PLAAT1: variants seen among roughly 807,000 people sequenced by gnomAD.
PLAAT1 encodes the protein H-REV107 protein-related protein.
Under a neutral mutation model 16.4 loss-of-function variants are expected in PLAAT1, and 13 were observed. That is an observed-to-expected ratio of 0.79 (90% confidence interval 0.52 to 1.26). PLAAT1 has a LOEUF of 1.26. Among genes scored for constraint, PLAAT1 ranks in the 50% most tolerant of loss-of-function variants. PLAAT1 has a pLI of 0.00. For missense variants in PLAAT1, 218 were observed against 207.8 expected, an observed-to-expected ratio of 1.05 and a Z score of -0.30; for synonymous variants, 73 against 78.4, an observed-to-expected ratio of 0.93 and a Z score of 0.36.
chr3:193,252,220 A>C (rs960421818), intron 1 of PLAAT1, among the ~76,000 whole-genome samples: 1 of 152,100 alleles, frequency 6.6e-6, no homozygotes. Context: ...TCTTTTAAAC[A>C]ACCAGATCTC....
intron 2 of PLAAT1, among the ~76,000 whole-genome samples, chr3:193,277,367 G>A (rs1279708134): frequency 6.6e-6 from 1 of 151,996 alleles, no homozygotes; most frequent in Non-Finnish European, 1.5e-5. Context: ...AAAATTTAAG[G>A]GTACACATTA....
chr3:193,252,539 C>T (rs999097328), intron 1 of PLAAT1, among the ~76,000 whole-genome samples: 2 of 152,054 alleles, frequency 1.3e-5, no homozygotes, highest in Non-Finnish European at 2.9e-5. Flanking sequence ...TTTTGTAGTA[C>T]AAAAGTTTTT....
downstream of PLAAT1, chr3:193,281,235 C>T (rs1214091637): frequency 2.0e-6 from 2 of 984,396 alleles, no homozygotes; most frequent in Non-Finnish European, 2.4e-6. Context: ...GAAGAGGACG[C>T]CTGAAAGGTC....
chr3:193,280,213 G>A (rs1717422341), downstream of PLAAT1, among the ~76,000 whole-genome samples: 1 of 152,002 alleles, frequency 6.6e-6, no homozygotes, highest in African/African-American at 2.4e-5. Flanking sequence ...ACCATGCATG[G>A]CTAAATTTTT....
intron 1 of PLAAT1, among the ~76,000 whole-genome samples, chr3:193,250,428 C>G (rs555698884): frequency 1.3e-5 from 2 of 152,186 alleles, no homozygotes; most frequent in Non-Finnish European, 2.9e-5. Context: ...GATGCTTATA[C>G]TCTTGATAGA....
chr3:193,277,131 C>G (rs1402317746), intron 2 of PLAAT1, among the ~76,000 whole-genome samples: 5 of 152,154 alleles, frequency 3.3e-5, no homozygotes, highest in Non-Finnish European at 7.3e-5. Context: ...GGCTATGTGT[C>G]TGTCTCCATT....
chr3:193,279,904 A>T (rs1053112799), downstream of PLAAT1, among the ~76,000 whole-genome samples: 10 of 136,896 alleles, frequency 7.3e-5, no homozygotes, highest in African/African-American at 2.7e-4. Flanking sequence ...CCTTATGGGC[A>T]ATTGGAAAGG....
intron 2 of PLAAT1, among the ~76,000 whole-genome samples, chr3:193,261,507 A>G (rs1038158785): frequency 6.6e-6 from 1 of 152,158 alleles, no homozygotes; most frequent in Non-Finnish European, 1.5e-5. Flanking sequence ...GTTTTTTGCA[A>G]CATTTTAAAG....
In PLAAT1 at chr3:193,241,513, A is replaced by C. The variant is rs538947071; in HGVS notation, c.-21A>C. 6.1e-4 allele frequency: 751 copies of C among 1,231,882 alleles called. 13 individuals are homozygous for C. The East Asian group carries it at 0.021, about 35-fold the overall frequency. The allele number at this position is 1,231,882 out of a possible 1,614,324, so 76.3% of individuals were successfully genotyped here. On this transcript the variant is annotated 5_prime_UTR_variant, in exon 1 of 4. Coordinates refer to ENST00000264735, the MANE Select transcript of PLAAT1 (RefSeq NM_020386.5). ...ACAGCTGCCTCCCGGTGCGAGAAGA[A>C]GACCCCGGCTTGAGAGTGAGGTGTG...
rs1041061061 is a variant in PLAAT1 at position 193,241,523 on chromosome 3, T to G, written c.-11T>G. The G allele has an allele frequency of 4.9e-6, 6 of 1,231,576 alleles. No individual in the cohort carries two copies. The highest frequency in any genetic ancestry group is 3.2e-5 in the East Asian group (1 of 31,668). The allele number at this position is 1,231,576 out of a possible 1,614,324, so 76.3% of individuals were successfully genotyped here. A position where few individuals can be genotyped will look rare whatever the true frequency, so the allele number is the denominator to read the frequency against. On this transcript the variant is annotated 5_prime_UTR_variant, in exon 1 of 4. Transcript: ENST00000264735. ...CCCGGTGCGAGAAGAAGACCCCGGCTTGAGAGTGAGGTGTGCTGGGCGGAG... is the reference window on the plus strand; with the variant it reads ...CCCGGTGCGAGAAGAAGACCCCGGCGTGAGAGTGAGGTGTGCTGGGCGGAG...
downstream of PLAAT1, chr3:193,270,926 T>A (rs1480008848): frequency 6.4e-6 from 6 of 931,936 alleles, no homozygotes; most frequent in Non-Finnish European, 5.5e-6. Flanking sequence ...GGAGAAGCAG[T>A]AGTCTTTTGA....
intron 1 of PLAAT1, 147 bp downstream of exon 1, chr3:193,241,680 C>A: frequency 1.9e-6 from 1 of 521,346 alleles, no homozygotes; most frequent in Non-Finnish European, 2.9e-6. Flanking sequence ...GGAACTCAGT[C>A]CACAGGGCAA....
chr3:193,271,830 T>C (rs377457803), downstream of PLAAT1, among the ~76,000 whole-genome samples: 11 of 152,264 alleles, frequency 7.2e-5, no homozygotes, highest in East Asian at 1.7e-3. Context: ...ATTAAACTGA[T>C]TTAGATTTTA....
chr3:193,274,627 A>G (rs1717101823), downstream of PLAAT1, among the ~76,000 whole-genome samples: 1 of 152,250 alleles, frequency 6.6e-6, no homozygotes, highest in African/African-American at 2.4e-5. Context: ...GGGAAAAGAT[A>G]TATATGTAAA....
At chr3:193,280,660 C>A (rs1717447789), downstream of PLAAT1, among the ~76,000 whole-genome samples, 1 of 152,200 alleles carries the variant, frequency 6.6e-6, no homozygotes, top group African/African-American at 2.4e-5. Context: ...TTATTTCCAA[C>A]CTCACCCACT....
chr3:193,270,367 T>C (rs532500422), intron 3 of PLAAT1, among the ~76,000 whole-genome samples: 1 of 152,312 alleles, frequency 6.6e-6, no homozygotes, highest in Non-Finnish European at 1.5e-5. Context: ...CAGAGTGCTT[T>C]AAAAATATGA....
At position 193,276,349 on chromosome 3, in the gene PLAAT1, C is replaced by T. The variant is rs151107254; in HGVS notation, c.*60-1287C>T. On this transcript the variant is annotated intron_variant and NMD_transcript_variant, in intron 2 of 2. Transcript: ENST00000416012. ...AAAAGGAATTGACTAGAATAAGCAA[C>T]GGCTTCTCCTCTTTCTTATGGAAAC... is the stretch of plus-strand genomic sequence containing the variant. 5.8e-3 allele frequency among the ~76,000 whole-genome samples: 890 copies of T among 152,268 alleles called. 11 individuals are homozygous for T. Among genetic ancestry groups the T allele is most frequent in the African/African-American group, 0.02 (840 of 41,550 alleles).
At chr3:193,265,681 GAGAT>G (rs1391777639) in intron 3 of PLAAT1, among the ~76,000 whole-genome samples, 1 of 152,084 alleles carries the variant, frequency 6.6e-6, no homozygotes, top group African/African-American at 2.4e-5. Flanking sequence ...GGGAAAATGG[GAGAT>G]AGAACATAAT....
intron 2 of PLAAT1, among the ~76,000 whole-genome samples, chr3:193,258,753 A>G (rs369672015): frequency 2.0e-5 from 3 of 152,052 alleles, no homozygotes; most frequent in African/African-American, 7.2e-5. Context: ...ATCAGTAACA[A>G]TAATAATAAT....
Sources: allele counts gnomAD v4.1 joint callset (sites outside exome capture counted in the v4.1 genomes callset), GRCh38; gene constraint gnomAD v4.1.1; transcripts MANE v1.5; gene names NCBI Gene and HGNC (gene_info 2026-07-23, HGNC 2026-07-21).